Variants in NME5 observed in about 807,000 individuals in gnomAD.
The protein encoded by NME5 is nucleoside diphosphate kinase 5.
A neutral mutation model predicts 21.6 loss-of-function variants in NME5; 18 were observed. The observed-to-expected ratio is 0.83, with a 90% CI of 0.58 to 1.24. NME5 has a LOEUF of 1.24. Ranked by LOEUF, NME5 falls within the 50% of genes most tolerant of loss-of-function variation. The pLI, the probability that NME5 is intolerant of heterozygous loss-of-function variation, is 0.00. For missense variants in NME5, 223 were observed against 255.4 expected (o/e 0.87, Z 0.86); for synonymous variants, 70 against 80.6 (o/e 0.87, Z 0.71).
chr5:138,129,130 G>C, intron 3 of NME5, 133 bp downstream of exon 3: 1 of 672,096 alleles, frequency 1.5e-6, no homozygotes, highest in Non-Finnish European at 2.5e-6. Context: ...GCCACCCTCT[G>C]CCCCCCAAAA....
rs1397133072 is a variant in NME5, at chr5:138,115,291, G to C, written c.*390C>G. ...ATGAAACCAAATCACCATGCTTATG[G>C]ACTACAAAAGGACCTAAGCCTTTTA... On this transcript the variant is annotated 3_prime_UTR_variant, in exon 6 of 6. Coordinates refer to ENST00000265191, the MANE Select transcript of NME5 (RefSeq NM_003551.3). 6.5e-6 allele frequency: 1 copy of C among 154,214 alleles called. No individual in the cohort carries two copies. Among genetic ancestry groups the C allele is most frequent in the Non-Finnish European group, 1.4e-5 (1 of 69,596 alleles). 9.6% of individuals were successfully genotyped at this position (154,214 alleles called of 1,614,324 possible).
rs144524055 is a variant in NME5, at chr5:138,115,728, T to C, written c.592A>G (p.Asn198Asp). ...LADWLLKNNPNKPKLCHHPIV... is the reference protein window; with the variant it reads ...LADWLLKNNPDKPKLCHHPIV... The stretch of plus-strand genomic sequence containing the variant: ...GGATGGTGACAAAGTTTGGGTTTGT[T>C]AGGATTATTTTTCAGCAGCCAATCA... Residue 198 changes from asparagine (N) to aspartate (D), a missense_variant, in exon 6 of 6, where the codon AAC becomes GAC. Physicochemically the swap from Asn to Asp is conservative, Grantham distance 23. Transcript: ENST00000265191. 1.4e-4 allele frequency: 216 copies of C among 1,585,800 alleles called. No individual in the cohort carries two copies. Among genetic ancestry groups the C allele is most frequent in the Middle Eastern group, 8.4e-4 (5 of 5,936 alleles).
intron 2 of NME5, among the ~76,000 whole-genome samples, chr5:138,136,931 C>A (rs991994880): frequency 1.2e-4 from 19 of 152,146 alleles, no homozygotes; most frequent in Admixed American, 3.9e-4. Flanking sequence ...GCATGAGCCA[C>A]CGTGCCTGGC....
At chr5:138,123,136 A>T (rs1392426696) in intron 4 of NME5, 3 of 152,192 alleles carry the variant, frequency 2.0e-5, no homozygotes, top group Non-Finnish European at 4.4e-5. Context: ...TAGATAAGAA[A>T]TATTGTATAC....
intron 4 of NME5, chr5:138,123,257 C>G (rs1450422266): frequency 6.6e-6 from 1 of 152,084 alleles, no homozygotes; most frequent in Non-Finnish European, 1.5e-5. Flanking sequence ...GGTGAGAACA[C>G]TTAAAATCTA....
chr5:138,124,041 G>A (rs1751345902), intron 4 of NME5, among the ~76,000 whole-genome samples: 1 of 115,292 alleles, frequency 8.7e-6, no homozygotes, highest in South Asian at 3.1e-4. Context: ...TTGTTGCCCA[G>A]GCTGGGGTGC....
rs550093394 is a variant in NME5 at position 138,133,850 on chromosome 5, A to T, written c.130-4382T>A. Among the ~76,000 whole-genome samples, 49 of 152,332 alleles carry T rather than the reference A, an allele frequency of 3.2e-4. 1 individual carries two copies. The highest frequency in any genetic ancestry group is 1.4e-3 in the Admixed American group (22 of 15,298). On this transcript the variant is annotated intron_variant, in intron 2 of 5. Transcript: ENST00000265191. ...ATGGGGAAGAGGGAAGCAACGAGTT[A>T]GCATTAGGTAGAGTGTTTCAGTTTA...
chr5:138,129,135 C>A, intron 3 of NME5, 128 bp downstream of exon 3: 2 of 723,212 alleles, frequency 2.8e-6, no homozygotes, highest in Non-Finnish European at 4.6e-6. Flanking sequence ...CCTCTGCCCC[C>A]CAAAAAAGTT....
chr5:138,116,885 A>T (rs1751168867), intron 5 of NME5, among the ~76,000 whole-genome samples: 1 of 152,160 alleles, frequency 6.6e-6, no homozygotes, highest in Non-Finnish European at 1.5e-5. Context: ...CTCACAATGG[A>T]CCAATGACCT....
intron 2 of NME5, among the ~76,000 whole-genome samples, chr5:138,136,926 A>ATCAT (rs1353212900): frequency 6.6e-6 from 1 of 151,852 alleles, no homozygotes; most frequent in Non-Finnish European, 1.5e-5. Flanking sequence ...TACAGGCATG[A>ATCAT]GCCACCGTGC....
rs1561584398 is a variant in NME5 at position 138,115,682 on chromosome 5, T to TA, written c.637dup (p.Ter213LeufsTer24). 2 of 1,555,912 alleles carry TA rather than the reference T, an allele frequency of 1.3e-6. No individual in the cohort carries two copies. Among genetic ancestry groups the TA allele is most frequent in the Non-Finnish European group, 8.6e-7 (1 of 1,156,614 alleles). ...TTTGTTCTTTCGAGGATTTTTTTTT[T>TA]AATAAGGTTCTTCTACAATTGGATG... On this transcript the variant is annotated frameshift_variant and stop_lost, in exon 6 of 6. Transcript: ENST00000265191. LOFTEE classifies it high-confidence loss of function.
intron 2 of NME5, among the ~76,000 whole-genome samples, chr5:138,130,415 T>A (rs1007251825): frequency 1.3e-5 from 2 of 152,106 alleles, no homozygotes; most frequent in Non-Finnish European, 2.9e-5. Context: ...TGTAGTATAA[T>A]GATGCAGTAA....
intron 4 of NME5, among the ~76,000 whole-genome samples, chr5:138,124,141 C>T (rs897709778): frequency 1.3e-5 from 2 of 151,260 alleles, no homozygotes; most frequent in African/African-American, 4.9e-5. Flanking sequence ...GGATTATAGG[C>T]ACGTGCCACC....
intron 2 of NME5, among the ~76,000 whole-genome samples, chr5:138,132,189 G>A (rs1228020153): frequency 2.6e-5 from 4 of 152,084 alleles, no homozygotes; most frequent in East Asian, 1.9e-4. Context: ...CAGAAACCCC[G>A]TCTCTACAAA....
At position 138,115,589 on chromosome 5, in the gene NME5, A is replaced by T; in HGVS notation, c.*92T>A. The T allele has an allele frequency of 1.5e-6, 1 of 665,598 alleles. No homozygotes were observed. The highest frequency in any genetic ancestry group is 2.5e-6 in the Non-Finnish European group (1 of 406,746). 41.2% of individuals were successfully genotyped at this position (665,598 alleles called of 1,614,324 possible). A position where few individuals can be genotyped will look rare whatever the true frequency, so the allele number is the denominator to read the frequency against. On this transcript the variant is annotated 3_prime_UTR_variant, in exon 6 of 6. Coordinates refer to ENST00000265191, the MANE Select transcript of NME5 (RefSeq NM_003551.3). ...AAATAAATTTATTTTACTTGTAGTTACTTAAACCCTAGAAATAATTTTTTC... is the reference window on the plus strand; with the variant it reads ...AAATAAATTTATTTTACTTGTAGTTTCTTAAACCCTAGAAATAATTTTTTC...
rs1278077080 is a variant in NME5, at chr5:138,118,761, C to T, written c.555+57G>A. On this transcript the variant is annotated intron_variant, in intron 5 of 5. Transcript: ENST00000265191. ...CCTCCCAAAGTGCTGGGATTACAGGCATGAGCCACCACGCCTGGTGACAAT... is the reference window on the plus strand; with the variant it reads ...CCTCCCAAAGTGCTGGGATTACAGGTATGAGCCACCACGCCTGGTGACAAT... The T allele has an allele frequency of 3.4e-6, 4 of 1,186,666 alleles. No homozygotes were observed. In the Admixed American group the frequency reaches 5.1e-5, roughly 15 times the overall value. The allele number at this position is 1,186,666 out of a possible 1,614,324, so 73.5% of individuals were successfully genotyped here. A position where few individuals can be genotyped will look rare whatever the true frequency, so the allele number is the denominator to read the frequency against.
rs1440979996 is a variant in NME5 at position 138,138,787 on chromosome 5, T to C, written c.-5-2A>G. On this transcript the variant is annotated splice_acceptor_variant, in intron 1 of 5. Coordinates refer to ENST00000265191, the MANE Select transcript of NME5 (RefSeq NM_003551.3). LOFTEE classifies it low-confidence loss of function (5UTR_SPLICE). ...GAGGCATTGATATCTCCATTATGGC[T>C]TTTCAGGGCACAAATTAAGAGTTTC... is the stretch of plus-strand genomic sequence containing the variant. 1 of 1,598,270 alleles carries C rather than the reference T, an allele frequency of 6.3e-7. No individual in the cohort carries two copies. The highest frequency in any genetic ancestry group is 1.1e-5 in the South Asian group (1 of 88,304).
chr5:138,131,144 A>C (rs1296416550), intron 2 of NME5, among the ~76,000 whole-genome samples: 1 of 144,602 alleles, frequency 6.9e-6, no homozygotes, highest in Non-Finnish European at 1.5e-5. Context: ...AGGTGGGTGG[A>C]TCACCTGAGG....
chr5:138,129,522 C>G, intron 2 of NME5, 54 bp from the exon 3 acceptor site: 1 of 1,290,508 alleles, frequency 7.7e-7, no homozygotes, highest in Non-Finnish European at 1.1e-6. Flanking sequence ...TCAATGATAG[C>G]TCATTAAAAT....
Sources: gnomAD v4.1 joint callset for allele counts (sites outside exome capture counted in the v4.1 genomes callset) on GRCh38, gnomAD v4.1.1 for gene constraint, MANE v1.5 for transcripts, NCBI Gene and HGNC (gene_info 2026-07-23, HGNC 2026-07-21) for gene names.